PARD3B: variants seen among roughly 807,000 people sequenced by gnomAD.
PARD3B encodes the protein par-3 family cell polarity regulator beta.
PARD3B carries 103 observed loss-of-function variants against 130.2 expected under a neutral mutation model. The ratio of observed to expected loss-of-function variants is 0.79; its 90% confidence interval spans 0.67 to 0.93. The LOEUF (loss-of-function observed/expected upper bound fraction) is 0.93, where lower values mean the gene tolerates loss of function less well. Ranked by LOEUF, PARD3B falls within the 40% of genes least tolerant of loss-of-function variation. PARD3B has a pLI of 0.00. For synonymous variants in PARD3B, 583 were observed against 553.2 expected (o/e 1.05, Z -0.76); for missense variants, 1,609 against 1,499.2 (o/e 1.07, Z -1.21).
intron 19 of PARD3B, among the ~76,000 whole-genome samples, chr2:205,403,151 T>C (rs849247): frequency 0.85 from 129,243 of 152,202 alleles, 56,932 homozygotes; most frequent in East Asian, 0.98. Flanking sequence ...ACTTTTCTCC[T>C]AATATGTTTG....
chr2:205,485,499 G>C (rs2049403248), intron 20 of PARD3B, among the ~76,000 whole-genome samples: 1 of 152,170 alleles, frequency 6.6e-6, no homozygotes, highest in African/African-American at 2.4e-5. Context: ...TCAAATCTAA[G>C]TACAAGAAAA....
chr2:204,999,801 A>G (rs1473675255), intron 3 of PARD3B, among the ~76,000 whole-genome samples: 2 of 152,188 alleles, frequency 1.3e-5, no homozygotes, highest in Non-Finnish European at 2.9e-5. Context: ...TTAGGAAGCA[A>G]GTGGTACCTG....
chr2:205,396,426 G>A (rs547591871), intron 18 of PARD3B, among the ~76,000 whole-genome samples: 8 of 152,250 alleles, frequency 5.3e-5, no homozygotes, highest in East Asian at 3.9e-4. Flanking sequence ...GAAAGAGAGC[G>A]AGTAAGGAAA....
chr2:204,897,384 T>TG (rs2046676103), intron 2 of PARD3B, among the ~76,000 whole-genome samples: 1 of 59,764 alleles, frequency 1.7e-5, no homozygotes, highest in Non-Finnish European at 3.4e-5. Flanking sequence ...CTGTAGGTAC[T>TG]GTTTTTTTTT....
intron 2 of PARD3B, among the ~76,000 whole-genome samples, chr2:204,902,957 A>T (rs2046921019): frequency 6.6e-6 from 1 of 152,208 alleles, no homozygotes; most frequent in South Asian, 2.1e-4. Context: ...TGGTGATGAC[A>T]CAAAGAACAT....
intron 4 of PARD3B, among the ~76,000 whole-genome samples, chr2:205,084,283 G>A (rs1204943178): frequency 2.0e-5 from 3 of 152,058 alleles, no homozygotes; most frequent in African/African-American, 7.2e-5. Context: ...TTAGCAGATT[G>A]CTGCCTTATG....
chr2:204,594,831 A>C (rs896840053), intron 1 of PARD3B, among the ~76,000 whole-genome samples: 1 of 152,226 alleles, frequency 6.6e-6, no homozygotes, highest in Admixed American at 6.5e-5. Flanking sequence ...GAAATTCTGC[A>C]GTGTAAATAG....
At chr2:205,331,706 C>T (rs1319770551) in intron 18 of PARD3B, among the ~76,000 whole-genome samples, 1 of 135,286 alleles carries the variant, frequency 7.4e-6, no homozygotes, top group Non-Finnish European at 1.5e-5. Flanking sequence ...TTGCTTGAAC[C>T]CAGGCAGCGG....
At chr2:204,609,455 G>A (rs1187189680) in intron 1 of PARD3B, among the ~76,000 whole-genome samples, 1 of 152,128 alleles carries the variant, frequency 6.6e-6, no homozygotes, top group South Asian at 2.1e-4. Context: ...ATACATTTTA[G>A]GGAGACAGAA....
intron 1 of PARD3B, among the ~76,000 whole-genome samples, chr2:204,605,166 G>T (rs962109646): frequency 6.6e-6 from 1 of 152,086 alleles, no homozygotes; most frequent in African/African-American, 2.4e-5. Context: ...CCAGTCCATC[G>T]TTTCTGCCAC....
intron 18 of PARD3B, among the ~76,000 whole-genome samples, chr2:205,334,916 T>C (rs2043255966): frequency 6.6e-6 from 1 of 152,218 alleles, no homozygotes. Context: ...GGTGATACAA[T>C]TGACACATTC....
chr2:204,828,838 C>T (rs1368403333), intron 2 of PARD3B, among the ~76,000 whole-genome samples: 1 of 152,258 alleles, frequency 6.6e-6, no homozygotes, highest in African/African-American at 2.4e-5. Context: ...CCATTGTCTG[C>T]AGGGTCAAAT....
In PARD3B at chr2:205,471,449, C is replaced by A. The variant is rs577668541; in HGVS notation, c.3045-28447C>A. ...CAATCTCGGCTCACTGCAACCTCTG[C>A]CTCCCAAGTTCAAGCATTTCTCCTG... is the stretch of plus-strand genomic sequence containing the variant. On this transcript the variant is annotated intron_variant, in intron 20 of 22. Transcript: ENST00000406610. 2.1e-3 allele frequency among the ~76,000 whole-genome samples: 310 copies of A among 148,816 alleles called. 1 individual carries two copies. The highest frequency in any genetic ancestry group is 7.4e-3 in the African/African-American group (295 of 39,604).
At chr2:204,559,781 A>G (rs1280604074) in intron 1 of PARD3B, among the ~76,000 whole-genome samples, 2 of 152,244 alleles carry the variant, frequency 1.3e-5, no homozygotes, top group African/African-American at 4.8e-5. Context: ...AAGACTTGCA[A>G]CCAACCCAAA....
chr2:205,052,430 T>TATATATATATAC (rs1559390569), intron 4 of PARD3B, among the ~76,000 whole-genome samples: 2 of 21,380 alleles, frequency 9.4e-5, no homozygotes, highest in African/African-American at 1.5e-4. Context: ...TATATATATA[T>TATATATATATAC]ATATATATAT....
intron 21 of PARD3B, among the ~76,000 whole-genome samples, chr2:205,503,501 C>T (rs981941975): frequency 6.6e-6 from 1 of 151,638 alleles, no homozygotes; most frequent in Non-Finnish European, 1.5e-5. Flanking sequence ...ATGAATACTT[C>T]TGAGGGCTCT....
intron 2 of PARD3B, among the ~76,000 whole-genome samples, chr2:204,795,374 A>G (rs2042334625): frequency 6.6e-6 from 1 of 152,212 alleles, no homozygotes; most frequent in South Asian, 2.1e-4. Flanking sequence ...TTCCAAAAGC[A>G]AGAGACACTA....
chr2:204,718,593 G>T (rs901639180), intron 2 of PARD3B, among the ~76,000 whole-genome samples: 3 of 152,148 alleles, frequency 2.0e-5, no homozygotes, highest in African/African-American at 7.2e-5. Flanking sequence ...TGAGGTTTGG[G>T]TGGGGACACA....
intron 18 of PARD3B, among the ~76,000 whole-genome samples, chr2:205,331,265 C>CACA (rs2043114830): frequency 5.4e-5 from 8 of 148,618 alleles, no homozygotes; most frequent in Non-Finnish European, 1.2e-4. Flanking sequence ...CACATATATT[C>CACA]CACACACACA....
Sources: gnomAD v4.1 joint callset for allele counts (sites outside exome capture counted in the v4.1 genomes callset) on GRCh38, gnomAD v4.1.1 for gene constraint, MANE v1.5 for transcripts, NCBI Gene and HGNC (gene_info 2026-07-23, HGNC 2026-07-21) for gene names.